Variants in ZDHHC2 observed in about 807,000 individuals in gnomAD.
ZDHHC2 encodes the protein palmitoyltransferase ZDHHC2.
In ZDHHC2, 51 loss-of-function variants were observed where a neutral mutation model predicts 55.6. That is an observed-to-expected ratio of 0.92 (90% confidence interval 0.73 to 1.16). The LOEUF is 1.16. Among genes scored for constraint, ZDHHC2 ranks in the 50% most tolerant of loss-of-function variants. The pLI is 0.00. For missense variants in ZDHHC2, 491 were observed against 442.4 expected (o/e 1.11, Z -0.99); for synonymous variants, 199 against 152.9 (o/e 1.30, Z -2.22).
In ZDHHC2 at chr8:17,199,580, T is replaced by TTCGTCTTTG. The variant is rs1563161504; in HGVS notation, c.476+1169_476+1170insGTCTTTGTC. On this transcript the variant is annotated intron_variant, in intron 6 of 12. Transcript: ENST00000262096. ...CTTCGTCTTCTTCGTCTTTGTCTTC[T>TTCGTCTTTG]TCTTCTTCTTTCTTCTTCTTTATTC... Among the ~76,000 whole-genome samples, 581 of 110,930 alleles carry TTCGTCTTTG rather than the reference T, an allele frequency of 5.2e-3. 16 individuals carry two copies. The highest frequency in any genetic ancestry group is 0.014 in the Middle Eastern group (3 of 222). The allele number at this position is 110,930 out of a possible 152,430, so 72.8% of individuals were successfully genotyped here.
At chr8:17,159,819 G>A (rs1231931929) in intron 1 of ZDHHC2, among the ~76,000 whole-genome samples, 1 of 152,016 alleles carries the variant, frequency 6.6e-6, no homozygotes, top group Non-Finnish European at 1.5e-5. Context: ...GTTGATTAAC[G>A]AGGCTCTTCT....
chr8:17,199,606 T>TTTCTTCTTC lies in ZDHHC2; in HGVS notation c.476+1203_476+1211dup, dbSNP rs147013065. Among the ~76,000 whole-genome samples, 170 of 50,884 alleles carry TTTCTTCTTC rather than the reference T, an allele frequency of 3.3e-3. 5 individuals carry two copies. Among genetic ancestry groups the TTTCTTCTTC allele is most frequent in the African/African-American group, 7.7e-3 (158 of 20,472 alleles). 33.4% of individuals were successfully genotyped at this position (50,884 alleles called of 152,430 possible). A position where few individuals can be genotyped will look rare whatever the true frequency, so the allele number is the denominator to read the frequency against. ...TCTTCTTCTTTCTTCTTCTTTATTC[T>TTTCTTCTTC]TTCTTCTTCTTCTTCTTCCTTTCTT... On this transcript the variant is annotated intron_variant, in intron 6 of 12. Coordinates refer to ENST00000262096, the MANE Select transcript of ZDHHC2 (RefSeq NM_016353.5).
chr8:17,166,714 T>G (rs764223699), intron 1 of ZDHHC2, among the ~76,000 whole-genome samples: 1 of 151,868 alleles, frequency 6.6e-6, no homozygotes, highest in Non-Finnish European at 1.5e-5. Flanking sequence ...GGAGGAAAAC[T>G]GAGAGAGTGT....
chr8:17,160,083 G>A (rs1280908986), intron 1 of ZDHHC2, among the ~76,000 whole-genome samples: 2 of 152,222 alleles, frequency 1.3e-5, no homozygotes, highest in Non-Finnish European at 2.9e-5. Flanking sequence ...GCGAGCACAC[G>A]ACGTGGTTTA....
intron 1 of ZDHHC2, among the ~76,000 whole-genome samples, chr8:17,161,327 A>G (rs914236263): frequency 2.0e-5 from 3 of 152,218 alleles, no homozygotes; most frequent in African/African-American, 7.2e-5. Flanking sequence ...CCTGATACTT[A>G]AACTATTACT....
Position 17,217,155 on chromosome 8 carries a change from T to C in ZDHHC2, c.1064-17T>C, listed in dbSNP as rs555143997. The stretch of plus-strand genomic sequence containing the variant: ...TCAAAAGCAACCAAAAATGCTAACT[T>C]ATGTGCTTTCATTAAGGTATGAGCA... On this transcript the variant is annotated splice_polypyrimidine_tract_variant and intron_variant, in intron 11 of 12. Transcript: ENST00000262096. The C allele has an allele frequency of 8.1e-6, 13 of 1,609,390 alleles. No individual in the cohort carries two copies. In the South Asian group the frequency reaches 1.3e-4, roughly 16 times the overall value.
At chr8:17,204,429 C>T (rs1030246908) in intron 6 of ZDHHC2, among the ~76,000 whole-genome samples, 1 of 152,180 alleles carries the variant, frequency 6.6e-6, no homozygotes, top group South Asian at 2.1e-4. Context: ...TTAATAGGTT[C>T]GTTATACCGG....
At chr8:17,178,100 C>G (rs1041365522) in intron 1 of ZDHHC2, among the ~76,000 whole-genome samples, 4 of 152,026 alleles carry the variant, frequency 2.6e-5, no homozygotes, top group African/African-American at 9.7e-5. Context: ...ACACAAGTAG[C>G]CATGTAAGTA....
chr8:17,204,438 G>A (rs1232762702), intron 6 of ZDHHC2, among the ~76,000 whole-genome samples: 1 of 152,202 alleles, frequency 6.6e-6, no homozygotes, highest in Non-Finnish European at 1.5e-5. Flanking sequence ...TCGTTATACC[G>A]GTTAACCAAG....
chr8:17,179,581 A>T (rs1484145970), intron 1 of ZDHHC2, among the ~76,000 whole-genome samples: 1 of 151,942 alleles, frequency 6.6e-6, no homozygotes, highest in Non-Finnish European at 1.5e-5. Flanking sequence ...GCTAAAAAAA[A>T]AAGTTTATTT....
chr8:17,182,290 G>T (rs1805469319), intron 1 of ZDHHC2, among the ~76,000 whole-genome samples: 1 of 152,022 alleles, frequency 6.6e-6, no homozygotes, highest in South Asian at 2.1e-4. Flanking sequence ...AACTAAGTAG[G>T]CCAATAGGAA....
At chr8:17,198,891 C>T (rs74975491) in intron 6 of ZDHHC2, among the ~76,000 whole-genome samples, 3,030 of 152,264 alleles carry the variant, frequency 0.02, 47 homozygotes, top group Non-Finnish European at 0.031. Context: ...CAAGATTTTC[C>T]ACATAGAATT....
Position 17,222,143 on chromosome 8 carries a change from T to C in ZDHHC2, c.*1922T>C, listed in dbSNP as rs1421571899. On this transcript the variant is annotated 3_prime_UTR_variant, in exon 13 of 13. Transcript: ENST00000262096. ...TGTTAATGCCCCTTTCCCACAGTCTTTTATATAATTAAATATATGTCAATA... is the reference window on the plus strand; with the variant it reads ...TGTTAATGCCCCTTTCCCACAGTCTCTTATATAATTAAATATATGTCAATA... 1 of 151,776 alleles carries C rather than the reference T, an allele frequency of 6.6e-6. No homozygotes were observed. Among genetic ancestry groups the C allele is most frequent in the Non-Finnish European group, 1.5e-5 (1 of 67,800 alleles). The allele number at this position is 151,776 out of a possible 1,614,324, so 9.4% of individuals were successfully genotyped here.
At chr8:17,212,732 C>T (rs1052337089) in intron 10 of ZDHHC2, among the ~76,000 whole-genome samples, 2 of 152,044 alleles carry the variant, frequency 1.3e-5, no homozygotes, top group African/African-American at 2.4e-5. Flanking sequence ...CCATCTTACT[C>T]GGAATAAAAG....
At chr8:17,188,565 C>G (rs1449837058) in intron 3 of ZDHHC2, among the ~76,000 whole-genome samples, 1 of 152,148 alleles carries the variant, frequency 6.6e-6, no homozygotes, top group African/African-American at 2.4e-5. Context: ...GGTTCCTCTT[C>G]AGCTCCTAGA....
chr8:17,190,681 G>T (rs747578707), intron 3 of ZDHHC2, among the ~76,000 whole-genome samples: 9 of 151,928 alleles, frequency 5.9e-5, no homozygotes, highest in African/African-American at 9.7e-5. Context: ...ACCAATTCAA[G>T]CACTTTACAT....
At chr8:17,156,953 C>T (rs2150869735) in intron 1 of ZDHHC2, 100 bp downstream of exon 1, 1 of 1,188,742 alleles carries the variant, frequency 8.4e-7, no homozygotes, top group East Asian at 3.4e-5. Context: ...CCCGGATGCG[C>T]CCCGGGCGCT....
chr8:17,190,281 T>A (rs1805951700), intron 3 of ZDHHC2, among the ~76,000 whole-genome samples: 1 of 151,676 alleles, frequency 6.6e-6, no homozygotes, highest in Admixed American at 6.6e-5. Flanking sequence ...AAGAAAAGAA[T>A]ATATACCAAT....
At chr8:17,193,353 C>T (rs1229309796) in intron 3 of ZDHHC2, among the ~76,000 whole-genome samples, 1 of 152,220 alleles carries the variant, frequency 6.6e-6, no homozygotes, top group African/African-American at 2.4e-5. Context: ...GGCAGCGACT[C>T]TTGTTCTTCT....
Sources: allele counts gnomAD v4.1 joint callset (sites outside exome capture counted in the v4.1 genomes callset), GRCh38; gene constraint gnomAD v4.1.1; transcripts MANE v1.5; gene names NCBI Gene and HGNC (gene_info 2026-07-23, HGNC 2026-07-21).